RASEF: variants seen among roughly 807,000 people sequenced by gnomAD.
RASEF encodes the protein RAS and EF-hand domain containing, also known as ras and EF-hand domain-containing protein.
RASEF carries 68 observed loss-of-function variants against 90.1 expected under a neutral mutation model. The observed-to-expected ratio is 0.75, with a 90% CI of 0.62 to 0.92. The LOEUF (loss-of-function observed/expected upper bound fraction) is 0.92. Ranked by LOEUF, RASEF falls within the 40% of genes least tolerant of loss-of-function variation. The probability of loss-of-function intolerance (pLI) is 0.00; values close to 1 mark genes in which losing one functional copy is unlikely to be tolerated. For missense variants in RASEF, 949 were observed against 937.2 expected (o/e 1.01, Z -0.16); for synonymous variants, 331 against 345.2 (o/e 0.96, Z 0.46).
At chr9:83,088,570 C>T in the RASEF span, among the ~76,000 whole-genome samples, 1 of 151,968 alleles carries the variant, frequency 6.6e-6, no homozygotes, top group African/African-American at 2.4e-5. Flanking sequence ...TAAATTCTGT[C>T]AAATAAGCTT....
At chr9:82,987,526 G>A (rs1587474340) in intron 16 of RASEF, among the ~76,000 whole-genome samples, 1 of 152,162 alleles carries the variant, frequency 6.6e-6, no homozygotes, top group East Asian at 1.9e-4. Context: ...TGTAAGCAGG[G>A]CCAACACGTG....
chr9:83,210,282 AC>A, the RASEF span, among the ~76,000 whole-genome samples: 1 of 152,230 alleles, frequency 6.6e-6, no homozygotes, highest in African/African-American at 2.4e-5. Context: ...CCCTTCATGC[AC>A]TTCAACTAGA....
intron 1 of RASEF, chr9:83,048,566 AAATGAATG>A (rs34939702): frequency 1.1e-4 from 109 of 981,194 alleles, no homozygotes; most frequent in Admixed American, 1.8e-4. Flanking sequence ...ATGAATGAGT[AAATGAATG>A]AATGAATGAA....
the RASEF span, among the ~76,000 whole-genome samples, chr9:83,138,247 C>A: frequency 6.6e-6 from 1 of 152,056 alleles, no homozygotes. Context: ...TATTATCTTT[C>A]TTTTACATGA....
the RASEF span, among the ~76,000 whole-genome samples, chr9:83,204,968 T>C: frequency 6.6e-6 from 1 of 152,192 alleles, no homozygotes; most frequent in Admixed American, 6.5e-5. Flanking sequence ...ATTATATCCA[T>C]TTTACAGATG....
At chr9:83,192,506 G>A in the RASEF span, among the ~76,000 whole-genome samples, 1 of 152,206 alleles carries the variant, frequency 6.6e-6, no homozygotes, top group African/African-American at 2.4e-5. Context: ...GCTAAATGAT[G>A]AGAGCATGTG....
chr9:82,996,357 C>T (rs1398505032), intron 14 of RASEF, among the ~76,000 whole-genome samples: 1 of 152,162 alleles, frequency 6.6e-6, no homozygotes, highest in East Asian at 1.9e-4. Flanking sequence ...TGGCAGCATG[C>T]TAAATGGGGT....
the RASEF span, among the ~76,000 whole-genome samples, chr9:83,203,078 A>G: frequency 3.9e-5 from 6 of 152,322 alleles, no homozygotes; most frequent in South Asian, 1.2e-3. Flanking sequence ...ATCTATATAT[A>G]TAGATATTAT....
At chr9:83,020,706 T>C (rs1029476689) in intron 3 of RASEF, among the ~76,000 whole-genome samples, 3 of 152,046 alleles carry the variant, frequency 2.0e-5, no homozygotes, top group African/African-American at 7.2e-5. Flanking sequence ...AAACATGAAA[T>C]TCTAAAAGGT....
the RASEF span, among the ~76,000 whole-genome samples, chr9:83,131,621 A>C: frequency 3.3e-5 from 5 of 152,324 alleles, no homozygotes; most frequent in Admixed American, 3.3e-4. Flanking sequence ...TCTGGATTGC[A>C]GTGGATCACT....
the RASEF span, among the ~76,000 whole-genome samples, chr9:83,100,384 C>T: frequency 2.0e-5 from 3 of 152,210 alleles, no homozygotes; most frequent in Non-Finnish European, 2.9e-5. Flanking sequence ...TTTCATTCAG[C>T]TGCTTACATC....
the RASEF span, among the ~76,000 whole-genome samples, chr9:83,174,265 C>G: frequency 1.3e-5 from 2 of 152,026 alleles, no homozygotes; most frequent in African/African-American, 4.8e-5. Flanking sequence ...CTGTTTTATT[C>G]TGAGAGTTTT....
At position 83,062,638 on chromosome 9, in the gene RASEF, C is replaced by T. The variant is rs1048870328; in HGVS notation, c.230G>A (p.Gly77Glu). 4.5e-6 allele frequency: 7 copies of T among 1,555,712 alleles called. No homozygotes were observed. Among genetic ancestry groups the T allele is most frequent in the South Asian group, 1.2e-5 (1 of 85,870 alleles). The change falls in exon 1 of 17, where the codon GGG becomes GAG. Residue 77 changes from glycine (G) to glutamate (E), a missense_variant. Gly to Glu is a moderately conservative substitution (Grantham distance 98). Around this residue, in one of 3 missense-constraint regions of RASEF, gnomAD observed 656 missense variants for 592.2 expected, o/e 1.11. Transcript: ENST00000376447. Reference sequence around the variant, plus strand: ...AGGACCCCAGTCCCGGCGCCGCCCCCCGCGGAGGGACCCGAGGAAGCCACG... The same window carrying T: ...AGGACCCCAGTCCCGGCGCCGCCCCTCGCGGAGGGACCCGAGGAAGCCACG... The part of the protein sequence containing the change: ...FARGFLGSLR[G>E]GRRRDWGPLD...
the RASEF span, among the ~76,000 whole-genome samples, chr9:83,104,208 C>CA: frequency 6.6e-6 from 1 of 152,018 alleles, no homozygotes; most frequent in Admixed American, 6.6e-5. Flanking sequence ...TAGATTTTGG[C>CA]TTTACGTAAG....
At chr9:83,030,800 G>C (rs1196986202) in intron 1 of RASEF, among the ~76,000 whole-genome samples, 1 of 152,164 alleles carries the variant, frequency 6.6e-6, no homozygotes, top group East Asian at 1.9e-4. Flanking sequence ...CTCTAGGCTT[G>C]ACCTCTAAAA....
At chr9:83,204,999 G>C in the RASEF span, among the ~76,000 whole-genome samples, 1 of 152,182 alleles carries the variant, frequency 6.6e-6, no homozygotes, top group Non-Finnish European at 1.5e-5. Context: ...ATCTCAAAGA[G>C]ATTAAGAAAC....
the RASEF span, among the ~76,000 whole-genome samples, chr9:83,215,956 T>C: frequency 6.6e-6 from 1 of 152,176 alleles, no homozygotes; most frequent in Non-Finnish European, 1.5e-5. Context: ...GATAAGGAAC[T>C]TGTTGGAAAC....
the RASEF span, among the ~76,000 whole-genome samples, chr9:83,202,621 G>A: frequency 6.6e-6 from 1 of 151,920 alleles, no homozygotes; most frequent in Non-Finnish European, 1.5e-5. Flanking sequence ...GATTACAGGT[G>A]CCCGCCACTA....
chr9:83,202,840 AG>A, the RASEF span, among the ~76,000 whole-genome samples: 1 of 152,138 alleles, frequency 6.6e-6, no homozygotes. Flanking sequence ...TAAGTATGTG[AG>A]GCACTACATA....
Sources: gnomAD v4.1 joint callset for allele counts (sites outside exome capture counted in the v4.1 genomes callset) on GRCh38, gnomAD v4.1.1 for gene constraint, gnomAD v4.1.1 regional missense constraint, MANE v1.5 for transcripts, NCBI Gene and HGNC (gene_info 2026-07-23, HGNC 2026-07-21) for gene names.